The following CPNE4 variants were observed in gnomAD, a reference collection of about 807,000 sequenced individuals.
CPNE4 encodes copine 4, also known as copine-4.
CPNE4 carries 25 observed loss-of-function variants against 67.9 expected under a neutral mutation model. The ratio of observed to expected loss-of-function variants is 0.37; its 90% CI spans 0.27 to 0.51. CPNE4 has a LOEUF of 0.51. Ranked by LOEUF, CPNE4 falls within the 20% of genes least tolerant of loss-of-function variation. The probability of loss-of-function intolerance (pLI) is 0.93; values close to 1 mark genes in which losing one functional copy is unlikely to be tolerated. For synonymous variants in CPNE4, 242 were observed against 244.9 expected, an observed-to-expected ratio of 0.99 and a Z score of 0.11; for missense variants, 464 against 690.8, an observed-to-expected ratio of 0.67 and a Z score of 3.68.
chr3:131,977,789 G>A (rs1560718898), intron 1 of CPNE4, among the ~76,000 whole-genome samples: 1 of 151,634 alleles, frequency 6.6e-6, no homozygotes, highest in Non-Finnish European at 1.5e-5. Context: ...CACCCAAGCA[G>A]TATACACTGC....
At chr3:131,597,712 A>G (rs1938968282) in intron 7 of CPNE4, among the ~76,000 whole-genome samples, 1 of 152,156 alleles carries the variant, frequency 6.6e-6, no homozygotes, top group African/African-American at 2.4e-5. Context: ...TAAAGTAGAA[A>G]TCTCTGTCAA....
intron 2 of CPNE4, among the ~76,000 whole-genome samples, chr3:131,829,151 A>G (rs1375121040): frequency 2.0e-5 from 3 of 152,164 alleles, no homozygotes; most frequent in Non-Finnish European, 4.4e-5. Flanking sequence ...TCACTATCAC[A>G]AGAATGGAAA....
chr3:131,554,364 G>T (rs918030583), intron 12 of CPNE4, among the ~76,000 whole-genome samples: 1 of 152,032 alleles, frequency 6.6e-6, no homozygotes, highest in South Asian at 2.1e-4. Context: ...TGCTGAATTC[G>T]TTTTTTAAAA....
intron 2 of CPNE4, among the ~76,000 whole-genome samples, chr3:131,847,891 C>G (rs2086065255): frequency 6.6e-6 from 1 of 152,050 alleles, no homozygotes. Context: ...TTCACTTCAC[C>G]CAGGATTTAG....
At chr3:131,985,496 G>A (rs1315528369) in intron 1 of CPNE4, among the ~76,000 whole-genome samples, 1 of 152,102 alleles carries the variant, frequency 6.6e-6, no homozygotes, top group Admixed American at 6.6e-5. Flanking sequence ...TTAAAGATGA[G>A]AAACATGGAA....
At chr3:131,890,021 G>C (rs2088044033) in intron 2 of CPNE4, among the ~76,000 whole-genome samples, 2 of 152,040 alleles carry the variant, frequency 1.3e-5, no homozygotes, top group South Asian at 4.1e-4. Context: ...TATCAAAATT[G>C]ATTTGTGCAA....
intron 1 of CPNE4, among the ~76,000 whole-genome samples, chr3:131,916,039 G>A (rs2089168769): frequency 6.6e-6 from 1 of 152,140 alleles, no homozygotes. Flanking sequence ...TAAATCGCAA[G>A]AGAAATCGTA....
chr3:131,974,155 T>C (rs1213000863), intron 1 of CPNE4, among the ~76,000 whole-genome samples: 1 of 152,218 alleles, frequency 6.6e-6, no homozygotes, highest in Non-Finnish European at 1.5e-5. Context: ...ACACTCTTGC[T>C]TTTGTCAGAA....
intron 2 of CPNE4, among the ~76,000 whole-genome samples, chr3:131,848,515 A>G (rs191314529): frequency 1.6e-4 from 24 of 152,110 alleles, no homozygotes; most frequent in African/African-American, 5.8e-4. Context: ...GTTGTTAAAT[A>G]TAAGAAAGGA....
intron 2 of CPNE4, among the ~76,000 whole-genome samples, chr3:131,878,605 A>G (rs2087545972): frequency 6.6e-6 from 1 of 152,206 alleles, no homozygotes; most frequent in Admixed American, 6.5e-5. Context: ...GGATTTATAA[A>G]ATAAAAATAA....
chr3:131,588,241 T>C lies in CPNE4; in HGVS notation c.682-659A>G, dbSNP rs553236232. ...TCACACACAAGATGCAACCATTCAC[T>C]TCTAACAAAAGGGCTAAATATTCAG... On this transcript the variant is annotated intron_variant, in intron 7 of 15. Transcript: ENST00000429747. Among the ~76,000 whole-genome samples, 6 of 152,316 alleles carry C rather than the reference T, an allele frequency of 3.9e-5. No individual in the cohort carries two copies. The East Asian group carries it at 1.2e-3, about 29-fold the overall frequency.
intron 2 of CPNE4, among the ~76,000 whole-genome samples, chr3:131,872,709 T>C (rs1246534847): frequency 3.9e-5 from 6 of 152,186 alleles, no homozygotes; most frequent in Non-Finnish European, 8.8e-5. Flanking sequence ...TCTCTCTGTC[T>C]CTCTCTTTAT....
chr3:132,019,241 T>C (rs1473747871), intron 1 of CPNE4, among the ~76,000 whole-genome samples: 2 of 152,168 alleles, frequency 1.3e-5, no homozygotes, highest in African/African-American at 2.4e-5. Flanking sequence ...AGTTTTAAAT[T>C]ATGTCCAATT....
At position 131,880,341 on chromosome 3, in the gene CPNE4, T is replaced by A. The variant is rs375806180; in HGVS notation, c.180+24923A>T. On this transcript the variant is annotated intron_variant, in intron 2 of 15. Coordinates refer to ENST00000429747, the MANE Select transcript of CPNE4 (RefSeq NM_130808.3). ...CATGTTAGCCAGGATGATCTCGATC[T>A]CCTGAGCTCGTGATACGCCCGCCCG... Among the ~76,000 whole-genome samples, 10 of 152,170 alleles carry A rather than the reference T, an allele frequency of 6.6e-5. No individual in the cohort carries two copies. In the East Asian group the frequency reaches 1.7e-3, roughly 26 times the overall value.
chr3:131,811,660 T>C (rs1330301063), intron 2 of CPNE4, among the ~76,000 whole-genome samples: 1 of 152,176 alleles, frequency 6.6e-6, no homozygotes, highest in Non-Finnish European at 1.5e-5. Flanking sequence ...AAGTTCTTAG[T>C]CCTCTGAGTG....
Position 132,034,970 on chromosome 3 carries a change from G to C in CPNE4, c.-405C>G. The C allele has an allele frequency of 1.0e-6, 1 of 985,610 alleles. No homozygotes were observed. Among genetic ancestry groups the C allele is most frequent in the Non-Finnish European group, 1.2e-6 (1 of 830,132 alleles). 61.1% of individuals were successfully genotyped at this position (985,610 alleles called of 1,614,324 possible). ...AGAAAGAGAAGGGGACGAGCGGGTG[G>C]CGGGGAGATGGCAGCTTCTCACAGA... On this transcript the variant is annotated 5_prime_UTR_variant, in exon 1 of 16. Coordinates refer to ENST00000429747, the MANE Select transcript of CPNE4 (RefSeq NM_130808.3).
chr3:131,766,884 C>G (rs1400146149), intron 2 of CPNE4, among the ~76,000 whole-genome samples: 1 of 152,102 alleles, frequency 6.6e-6, no homozygotes, highest in African/African-American at 2.4e-5. Flanking sequence ...TCCTGAACAT[C>G]TGCTAATAAA....
At chr3:131,686,968 G>C (rs1350696523) in intron 5 of CPNE4, among the ~76,000 whole-genome samples, 1 of 152,118 alleles carries the variant, frequency 6.6e-6, no homozygotes, top group East Asian at 1.9e-4. Context: ...TTTCTTAGTA[G>C]CTATTTTTTT....
At chr3:131,918,400 T>C (rs1292894493) in intron 1 of CPNE4, among the ~76,000 whole-genome samples, 2 of 152,200 alleles carry the variant, frequency 1.3e-5, no homozygotes, top group Non-Finnish European at 1.5e-5. Context: ...TACTGGCAGA[T>C]ACAAAGATGA....
Sources: gnomAD v4.1 joint callset for allele counts (sites outside exome capture counted in the v4.1 genomes callset) on GRCh38, gnomAD v4.1.1 for gene constraint, MANE v1.5 for transcripts, NCBI Gene and HGNC (gene_info 2026-07-23, HGNC 2026-07-21) for gene names.